ACYP2: variants seen among roughly 807,000 people sequenced by gnomAD.
The protein encoded by ACYP2 is acylphosphatase 2, also known as acylphosphatase-2.
A neutral mutation model predicts 11.2 loss-of-function variants in ACYP2; 12 were observed. That is an observed-to-expected ratio of 1.08 (90% CI 0.69 to 1.74). The LOEUF (loss-of-function observed/expected upper bound fraction) is 1.74, where lower values mean the gene tolerates loss of function less well. Ranked by LOEUF, ACYP2 falls within the 40% of genes most tolerant of loss-of-function variation. ACYP2 has a pLI of 0.00. For missense variants in ACYP2, 134 were observed against 101.9 expected (o/e 1.31, Z -1.35); for synonymous variants, 43 against 32.2 (o/e 1.33, Z -1.13).
intron 6 of ACYP2, among the ~76,000 whole-genome samples, chr2:54,242,496 A>C (rs1344103025): frequency 6.6e-6 from 1 of 152,240 alleles, no homozygotes; most frequent in African/African-American, 2.4e-5. Flanking sequence ...CATATGCCAC[A>C]TAATGACTTG....
intron 2 of ACYP2, among the ~76,000 whole-genome samples, chr2:53,988,397 A>G (rs529497337): frequency 5.3e-5 from 8 of 151,988 alleles, no homozygotes; most frequent in Non-Finnish European, 1.2e-4. Context: ...ATTCACTTTT[A>G]TTTTTTATTT....
chr2:54,305,060 CA>C lies in ACYP2; in HGVS notation c.*259del. On this transcript the variant is annotated 3_prime_UTR_variant, in exon 7 of 7. Coordinates refer to ENST00000607452, the MANE Select transcript of ACYP2 (RefSeq NM_001320586.2). ...GTGAACATTTAATTTAAACTTGTCT[CA>C]TGGAATCTTTAATTTCAATGAACAT... 3.9e-6 allele frequency: 1 copy of C among 259,090 alleles called. No individual in the cohort carries two copies. The allele number at this position is 259,090 out of a possible 1,614,324, so 16.0% of individuals were successfully genotyped here.
At chr2:53,971,988 T>G (rs1454602169) in intron 1 of ACYP2, among the ~76,000 whole-genome samples, 1 of 152,190 alleles carries the variant, frequency 6.6e-6, no homozygotes, top group African/African-American at 2.4e-5. Context: ...AGCATAGCAG[T>G]GGGATGATAT....
intron 4 of ACYP2, among the ~76,000 whole-genome samples, chr2:54,069,494 C>G (rs375988699): frequency 4.1e-4 from 62 of 151,976 alleles, no homozygotes; most frequent in Admixed American, 2.6e-4. Context: ...AACCCTGTCT[C>G]TACTAAAAAT....
intron 6 of ACYP2, chr2:54,142,901 A>T (rs1681683833): frequency 6.6e-6 from 1 of 152,092 alleles, no homozygotes; most frequent in Non-Finnish European, 1.5e-5. Flanking sequence ...GTTATTTCTA[A>T]GTATCTTAAT....
At chr2:54,015,511 A>G (rs368306432) in intron 2 of ACYP2, among the ~76,000 whole-genome samples, 56 of 151,860 alleles carry the variant, frequency 3.7e-4, no homozygotes, top group African/African-American at 1.3e-3. Context: ...TCAGCCAGGT[A>G]TGGTGGTGTG....
chr2:54,243,444 A>G (rs75516785), intron 6 of ACYP2, among the ~76,000 whole-genome samples: 274 of 152,334 alleles, frequency 1.8e-3, no homozygotes, highest in Middle Eastern at 0.01. Flanking sequence ...TTATAATCCT[A>G]TGGGACCATT....
At chr2:54,052,663 A>T (rs1470712603) in intron 3 of ACYP2, among the ~76,000 whole-genome samples, 1 of 152,194 alleles carries the variant, frequency 6.6e-6, no homozygotes, top group African/African-American at 2.4e-5. Flanking sequence ...AAAAAAAAAG[A>T]GCTGTGCAAT....
At chr2:54,251,079 C>T (rs1004712844) in intron 6 of ACYP2, among the ~76,000 whole-genome samples, 1 of 152,112 alleles carries the variant, frequency 6.6e-6, no homozygotes, top group African/African-American at 2.4e-5. Flanking sequence ...AAAAAATGAA[C>T]CATCATGAGC....
At chr2:54,010,417 G>T (rs1031675673) in intron 2 of ACYP2, among the ~76,000 whole-genome samples, 1 of 152,018 alleles carries the variant, frequency 6.6e-6, no homozygotes, top group African/African-American at 2.4e-5. Context: ...CCAGGAGGTG[G>T]AGGTTGCAGT....
chr2:54,095,295 G>A (rs945292534), intron 4 of ACYP2, among the ~76,000 whole-genome samples: 2 of 152,232 alleles, frequency 1.3e-5, no homozygotes, highest in Non-Finnish European at 2.9e-5. Context: ...TTTCTACACA[G>A]ACACGGCAAC....
rs1685585688 is a variant in ACYP2, at chr2:54,217,057, C to A, written c.404+78309C>A. Among the ~76,000 whole-genome samples, 2 of 151,874 alleles carry A rather than the reference C, an allele frequency of 1.3e-5. 1 individual carries two copies. Among genetic ancestry groups the A allele is most frequent in the South Asian group, 4.2e-4 (2 of 4,798 alleles). On this transcript the variant is annotated intron_variant, in intron 6 of 6. Coordinates refer to ENST00000607452, the MANE Select transcript of ACYP2 (RefSeq NM_001320586.2). The stretch of plus-strand genomic sequence containing the variant: ...TTTTTATTTTATTTCCTTAGGTTTC[C>A]CGTAGAAACAGTAATTCCATTCTTT...
At chr2:54,274,594 T>A (rs1209421356) in intron 6 of ACYP2, among the ~76,000 whole-genome samples, 5 of 114,656 alleles carry the variant, frequency 4.4e-5, no homozygotes, top group African/African-American at 1.7e-4. Flanking sequence ...ACCACTGCCC[T>A]CAGGCTGGGT....
intron 4 of ACYP2, among the ~76,000 whole-genome samples, chr2:54,108,798 C>T (rs1296277820): frequency 1.3e-5 from 2 of 152,128 alleles, no homozygotes; most frequent in African/African-American, 4.8e-5. Flanking sequence ...TTAACTTTAC[C>T]TTTTTCTCAC....
At chr2:54,234,154 T>C (rs1182747422) in intron 6 of ACYP2, among the ~76,000 whole-genome samples, 1 of 152,180 alleles carries the variant, frequency 6.6e-6, no homozygotes, top group Admixed American at 6.5e-5. Flanking sequence ...AGGAGTATTG[T>C]CATGGTGGAG....
intron 4 of ACYP2, among the ~76,000 whole-genome samples, chr2:54,130,771 G>A (rs1267160130): frequency 1.3e-5 from 2 of 152,142 alleles, no homozygotes; most frequent in East Asian, 3.8e-4. Context: ...AACTATGCGT[G>A]GTATCCAGAT....
chr2:54,234,742 A>G (rs975783698), intron 6 of ACYP2, among the ~76,000 whole-genome samples: 2 of 152,198 alleles, frequency 1.3e-5, no homozygotes, highest in African/African-American at 4.8e-5. Flanking sequence ...CATCTTCAAC[A>G]TTGTCTCATC....
chr2:54,286,401 A>G (rs553926384), intron 6 of ACYP2, among the ~76,000 whole-genome samples: 7 of 152,158 alleles, frequency 4.6e-5, no homozygotes, highest in Middle Eastern at 3.4e-3. Context: ...TAGCACCACC[A>G]GAAAGTCTAA....
At chr2:54,126,320 T>C (rs978939102) in intron 4 of ACYP2, among the ~76,000 whole-genome samples, 2 of 152,112 alleles carry the variant, frequency 1.3e-5, no homozygotes, top group African/African-American at 4.8e-5. Context: ...CATATCACTA[T>C]AGTTGGTAAT....
Sources: gnomAD v4.1 joint callset for allele counts (sites outside exome capture counted in the v4.1 genomes callset) on GRCh38, gnomAD v4.1.1 for gene constraint, MANE v1.5 for transcripts, NCBI Gene and HGNC (gene_info 2026-07-23, HGNC 2026-07-21) for gene names.